Variants in ANKS6 observed in about 807,000 individuals in gnomAD.
The protein encoded by ANKS6 is ankyrin repeat and sterile alpha motif domain containing 6, also known as ankyrin repeat and SAM domain-containing protein 6.
ANKS6 carries 47 observed loss-of-function variants against 77.9 expected under a neutral mutation model. The ratio of observed to expected loss-of-function variants is 0.60; its 90% CI spans 0.48 to 0.77. The LOEUF (loss-of-function observed/expected upper bound fraction) is 0.77, where lower values mean the gene tolerates loss of function less well. Ranked by LOEUF, ANKS6 falls within the 30% of genes least tolerant of loss-of-function variation. The pLI, the probability that ANKS6 is intolerant of heterozygous loss-of-function variation, is 0.00. For synonymous variants in ANKS6, 488 were observed against 501.7 expected (o/e 0.97, Z 0.37); for missense variants, 1,150 against 1,159.1 (o/e 0.99, Z 0.11).
At chr9:98,778,627 C>G (rs1163694446) in intron 6 of ANKS6, among the ~76,000 whole-genome samples, 3 of 152,224 alleles carry the variant, frequency 2.0e-5, no homozygotes, top group Non-Finnish European at 4.4e-5. Context: ...TGACCCAGCC[C>G]TTAGGCAGTC....
At chr9:98,757,041 T>C (rs1389066388) in intron 11 of ANKS6, among the ~76,000 whole-genome samples, 1 of 152,192 alleles carries the variant, frequency 6.6e-6, no homozygotes, top group East Asian at 1.9e-4. Flanking sequence ...AGAACACGTA[T>C]TCTTCCCTTT....
At chr9:98,752,258 A>T (rs1460281593) in intron 12 of ANKS6, among the ~76,000 whole-genome samples, 1 of 152,252 alleles carries the variant, frequency 6.6e-6, no homozygotes, top group Non-Finnish European at 1.5e-5. Flanking sequence ...CAGTAAATGA[A>T]GGAGTGAGCT....
Position 98,732,871 on chromosome 9 carries a change from T to C in ANKS6, c.*3648A>G, listed in dbSNP as rs1831276258. The stretch of plus-strand genomic sequence containing the variant: ...AGGCACCCAACTGACCCTTCCTCCC[T>C]GACGATCTAGAACTTACACATTACG... On this transcript the variant is annotated 3_prime_UTR_variant, in exon 15 of 15. Transcript: ENST00000353234. The C allele has an allele frequency of 8.6e-7, 1 of 1,162,920 alleles. No individual in the cohort carries two copies. Among genetic ancestry groups the C allele is most frequent in the South Asian group, 2.3e-5 (1 of 43,094 alleles). The allele number at this position is 1,162,920 out of a possible 1,614,324, so 72.0% of individuals were successfully genotyped here. A position where few individuals can be genotyped will look rare whatever the true frequency, so the allele number is the denominator to read the frequency against.
intron 7 of ANKS6, among the ~76,000 whole-genome samples, chr9:98,777,864 C>T (rs537868291): frequency 1.3e-5 from 2 of 152,342 alleles, no homozygotes; most frequent in South Asian, 4.1e-4. Flanking sequence ...ACTACTCACA[C>T]CCTCCCAGTA....
Position 98,780,187 on chromosome 9 carries a change from A to G in ANKS6, c.1368+2T>C. 6.2e-7 allele frequency: 1 copy of G among 1,613,512 alleles called. No individual in the cohort carries two copies. Among genetic ancestry groups the G allele is most frequent in the Non-Finnish European group, 8.5e-7 (1 of 1,179,986 alleles). Reference sequence around the variant, plus strand: ...GCCCCTTTAAGACAGGAAAAGGCAAACCTTCAGTCCACCCTTGTCATCGGG... The same window carrying G: ...GCCCCTTTAAGACAGGAAAAGGCAAGCCTTCAGTCCACCCTTGTCATCGGG... On this transcript the variant is annotated splice_donor_variant, in intron 6 of 14. Coordinates refer to ENST00000353234, the MANE Select transcript of ANKS6 (RefSeq NM_173551.5). LOFTEE classifies it high-confidence loss of function.
intron 12 of ANKS6, among the ~76,000 whole-genome samples, chr9:98,755,621 C>T (rs1588348417): frequency 6.6e-6 from 1 of 152,220 alleles, no homozygotes; most frequent in African/African-American, 2.4e-5. Context: ...CCCCCTTCTC[C>T]TGGAAACAGT....
chr9:98,778,986 C>T (rs777940610), intron 6 of ANKS6, among the ~76,000 whole-genome samples: 8 of 152,062 alleles, frequency 5.3e-5, no homozygotes, highest in Non-Finnish European at 7.4e-5. Context: ...TGAACAGCCA[C>T]GAAGGGCATC....
intron 11 of ANKS6, among the ~76,000 whole-genome samples, chr9:98,764,539 G>A (rs947833932): frequency 6.6e-6 from 1 of 152,096 alleles, no homozygotes; most frequent in African/African-American, 2.4e-5. Context: ...TGACTACTGA[G>A]TACTGATGTT....
Position 98,736,541 on chromosome 9 carries a change from G to A in ANKS6, c.2594C>T (p.Pro865Leu). 6.2e-7 allele frequency: 1 copy of A among 1,612,490 alleles called. No individual in the cohort carries two copies. The highest frequency in any genetic ancestry group is 8.5e-7 in the Non-Finnish European group (1 of 1,178,942). The part of the protein sequence containing the change: ...FESSASNTRA[P>L]GNSPCA ...GGATCACGCACAGGGGCTGTTGCCA[G>A]GGGCCCTGGTGTTGCTGGCACTGCT... is the stretch of plus-strand genomic sequence containing the variant. The change falls in exon 15 of 15, where the codon CCT (proline) becomes CTT (leucine). Residue 865 changes from proline (P) to leucine (L), a missense_variant. By Grantham distance (98) the Pro-to-Leu change is moderately conservative. Transcript: ENST00000353234.
At position 98,796,353 on chromosome 9, in the gene ANKS6, C is replaced by A; in HGVS notation, c.139G>T (p.Ala47Ser). Residue 47 changes from alanine to serine, a missense_variant, in exon 1 of 15, where the codon GCG (alanine) becomes TCG (serine). Coordinates refer to ENST00000353234, the MANE Select transcript of ANKS6 (RefSeq NM_173551.5). ...AERGAEPEAG[A>S]EPAGAEVAGP... is the part of the protein sequence containing the mutation. Reference sequence around the variant, plus strand: ...GCCACCTCGGCCCCCGCCGGCTCCGCGCCCGCCTCCGGCTCCGCGCCGCGC... The same window carrying A: ...GCCACCTCGGCCCCCGCCGGCTCCGAGCCCGCCTCCGGCTCCGCGCCGCGC... The A allele has an allele frequency of 1.8e-6, 2 of 1,131,902 alleles. No homozygotes were observed. The highest frequency in any genetic ancestry group is 2.2e-6 in the Non-Finnish European group (2 of 925,286). The allele number at this position is 1,131,902 out of a possible 1,614,324, so 70.1% of individuals were successfully genotyped here.
intron 5 of ANKS6, among the ~76,000 whole-genome samples, chr9:98,781,679 G>C (rs902668829): frequency 1.3e-5 from 2 of 152,156 alleles, no homozygotes; most frequent in Non-Finnish European, 2.9e-5. Flanking sequence ...GGGTGGCAGT[G>C]CTGTGACGAG....
chr9:98,745,381 G>C (rs974189960), intron 14 of ANKS6, among the ~76,000 whole-genome samples, 178 bp downstream of exon 14: 1 of 152,226 alleles, frequency 6.6e-6, no homozygotes, highest in African/African-American at 2.4e-5. Context: ...GAAGATTTCA[G>C]CTCTATCTGG....
chr9:98,772,145 T>C (rs1474403820), intron 9 of ANKS6, among the ~76,000 whole-genome samples: 1 of 152,236 alleles, frequency 6.6e-6, no homozygotes, highest in Non-Finnish European at 1.5e-5. Context: ...GATGAGCTTA[T>C]ATGTGCTTAC....
intron 1 of ANKS6, among the ~76,000 whole-genome samples, chr9:98,793,094 T>C (rs1834990622): frequency 6.6e-6 from 1 of 152,184 alleles, no homozygotes; most frequent in Non-Finnish European, 1.5e-5. Context: ...CTGGCACACA[T>C]TTTCCCCTCT....
At position 98,735,895 on chromosome 9, in the gene ANKS6, G is replaced by A; in HGVS notation, c.*624C>T. ...ACTAAGGGACCCAGTGGCTGAAAGGGGGTCAAAAAAGACTTCATCTGAGAG... is the reference window on the plus strand; with the variant it reads ...ACTAAGGGACCCAGTGGCTGAAAGGAGGTCAAAAAAGACTTCATCTGAGAG... On this transcript the variant is annotated 3_prime_UTR_variant, in exon 15 of 15. Transcript: ENST00000353234. 1 of 1,231,700 alleles carries A rather than the reference G, an allele frequency of 8.1e-7. No individual in the cohort carries two copies. The highest frequency in any genetic ancestry group is 1.0e-6 in the Non-Finnish European group (1 of 988,456). The allele number at this position is 1,231,700 out of a possible 1,614,324, so 76.3% of individuals were successfully genotyped here. A position where few individuals can be genotyped will look rare whatever the true frequency, so the allele number is the denominator to read the frequency against.
intron 12 of ANKS6, among the ~76,000 whole-genome samples, chr9:98,752,870 C>T (rs898900057): frequency 5.3e-5 from 8 of 152,146 alleles, no homozygotes; most frequent in African/African-American, 1.9e-4. Flanking sequence ...GCTGACCCAG[C>T]CCAAGGTACT....
chr9:98,777,264 A>G, intron 8 of ANKS6, 141 bp downstream of exon 8: 2 of 884,622 alleles, frequency 2.3e-6, no homozygotes, highest in Non-Finnish European at 3.6e-6. Flanking sequence ...GCCAGAGCTA[A>G]GCCCACTGTT....
At chr9:98,784,199 T>A in intron 3 of ANKS6, 42 bp from the exon 4 acceptor site, 2 of 1,477,048 alleles carry the variant, frequency 1.4e-6, no homozygotes, top group Non-Finnish European at 1.8e-6. Flanking sequence ...GTGGGCCTGG[T>A]ACCATAGGCT....
chr9:98,748,040 C>T (rs7037347), intron 13 of ANKS6, among the ~76,000 whole-genome samples: 1,782 of 152,340 alleles, frequency 0.012, 36 homozygotes, highest in African/African-American at 0.041. Flanking sequence ...GCTCTCAGCC[C>T]AGGTCTTCTC....
Sources: gnomAD v4.1 joint callset for allele counts (sites outside exome capture counted in the v4.1 genomes callset) on GRCh38, gnomAD v4.1.1 for gene constraint, MANE v1.5 for transcripts, NCBI Gene and HGNC (gene_info 2026-07-23, HGNC 2026-07-21) for gene names.